Variants in PLXNA4 observed in about 807,000 individuals in gnomAD.
PLXNA4 encodes plexin A4.
In PLXNA4, 44 loss-of-function variants were observed where a neutral mutation model predicts 191.8. The ratio of observed to expected loss-of-function variants is 0.23; its 90% CI spans 0.18 to 0.29. PLXNA4 has a LOEUF of 0.29. Ranked by LOEUF, PLXNA4 falls within the 10% of genes least tolerant of loss-of-function variation. The pLI is 1.00. For missense variants in PLXNA4, 1,800 were observed against 2,488.8 expected (o/e 0.72, Z 5.89); for synonymous variants, 1,082 against 1,009.5 (o/e 1.07, Z -1.36).
intron 3 of PLXNA4, among the ~76,000 whole-genome samples, chr7:132,377,422 GAAA>G: frequency 1.2e-5 from 1 of 86,538 alleles, no homozygotes; most frequent in African/African-American, 4.1e-5. Context: ...AAATGAAAAA[GAAA>G]AAAAAAAAAA....
chr7:132,146,811 T>C, intron 27 of PLXNA4, 111 bp from the exon 28 acceptor site: 1 of 1,538,082 alleles, frequency 6.5e-7, no homozygotes, highest in Non-Finnish European at 8.8e-7. Context: ...TGATCATTCC[T>C]GCCATTGGTC....
At chr7:132,201,356 T>A (rs1797427234) in intron 12 of PLXNA4, among the ~76,000 whole-genome samples, 1 of 152,196 alleles carries the variant, frequency 6.6e-6, no homozygotes, top group African/African-American at 2.4e-5. Context: ...GGTAGTTGTT[T>A]GGACTGACAA....
intron 1 of PLXNA4, among the ~76,000 whole-genome samples, chr7:132,554,426 C>T (rs1239417036): frequency 1.3e-5 from 2 of 152,308 alleles, no homozygotes; most frequent in South Asian, 2.1e-4. Flanking sequence ...TGACACACTC[C>T]GTTTCCAGAG....
intron 9 of PLXNA4, among the ~76,000 whole-genome samples, chr7:132,217,943 G>A (rs1016374831): frequency 3.6e-5 from 5 of 140,420 alleles, no homozygotes; most frequent in Admixed American, 1.5e-4. Context: ...CAGGGTGAAA[G>A]GCATGGCAGG....
intron 2 of PLXNA4, among the ~76,000 whole-genome samples, chr7:132,591,857 C>T (rs142642720): frequency 1.3e-5 from 2 of 152,268 alleles, no homozygotes; most frequent in East Asian, 3.9e-4. Flanking sequence ...CACCTCAAAT[C>T]CCTCTCCCAG....
At chr7:132,435,756 G>A (rs277486) in intron 3 of PLXNA4, among the ~76,000 whole-genome samples, 2,262 of 152,232 alleles carry the variant, frequency 0.015, 44 homozygotes, top group African/African-American at 0.052. Context: ...TCCACAGCAC[G>A]TCCACTGAGC....
chr7:132,621,846 T>C (rs1049162401), intron 2 of PLXNA4, among the ~76,000 whole-genome samples: 3 of 152,246 alleles, frequency 2.0e-5, no homozygotes, highest in African/African-American at 7.2e-5. Flanking sequence ...TTTCCCACTG[T>C]TGTTTTATTT....
At chr7:132,307,852 G>A (rs1419563517) in intron 3 of PLXNA4, among the ~76,000 whole-genome samples, 1 of 152,192 alleles carries the variant, frequency 6.6e-6, no homozygotes, top group East Asian at 1.9e-4. Flanking sequence ...GGAACTGCAA[G>A]AGTGTAAACA....
At chr7:132,256,819 A>T (rs1163287597) in intron 4 of PLXNA4, among the ~76,000 whole-genome samples, 2 of 152,082 alleles carry the variant, frequency 1.3e-5, no homozygotes, top group Non-Finnish European at 2.9e-5. Flanking sequence ...TAGTGATTTG[A>T]GGATTATGCA....
At chr7:132,467,119 C>T (rs1796735757) in intron 3 of PLXNA4, among the ~76,000 whole-genome samples, 1 of 152,108 alleles carries the variant, frequency 6.6e-6, no homozygotes. Context: ...ACTGAGAGTC[C>T]ACAGCCCCTG....
chr7:132,180,730 G>T lies in PLXNA4; in HGVS notation c.3495C>A (p.Gly1165=), dbSNP rs1034866561. 5.6e-6 allele frequency: 9 copies of T among 1,613,406 alleles called. No individual in the cohort carries two copies. The highest frequency in any genetic ancestry group is 2.2e-5 in the East Asian group (1 of 44,874). The change falls in exon 19 of 32, where the codon GGC becomes GGA. Residue 1165 remains glycine (G), a splice_region_variant and synonymous_variant. Coordinates refer to ENST00000321063, the MANE Select transcript of PLXNA4 (RefSeq NM_020911.2). ...CAGCCACAGGCGGGATCAGGTTCTTGCCCTGTACAAATGGGAAAGCACCAG... is the reference window on the plus strand; with the variant it reads ...CAGCCACAGGCGGGATCAGGTTCTTTCCCTGTACAAATGGGAAAGCACCAG... ...LKPGTPIILK[G]KNLIPPVAGG...
At chr7:132,477,963 G>T (rs1478891617) in intron 3 of PLXNA4, among the ~76,000 whole-genome samples, 3 of 152,172 alleles carry the variant, frequency 2.0e-5, no homozygotes, top group African/African-American at 7.2e-5. Flanking sequence ...AGATTCATTA[G>T]TTTCCTACAA....
chr7:132,283,642 G>A (rs925193978), intron 4 of PLXNA4, among the ~76,000 whole-genome samples: 5 of 152,198 alleles, frequency 3.3e-5, no homozygotes, highest in Non-Finnish European at 5.9e-5. Flanking sequence ...CAGCCAGAGA[G>A]ACTAGCCAAG....
intron 3 of PLXNA4, among the ~76,000 whole-genome samples, chr7:132,459,285 G>A (rs1270517783): frequency 6.6e-6 from 1 of 152,134 alleles, no homozygotes; most frequent in Non-Finnish European, 1.5e-5. Context: ...AGAACTGGAG[G>A]AACAGTAATA....
chr7:132,247,511 T>C (rs1030022180), intron 4 of PLXNA4, among the ~76,000 whole-genome samples: 3 of 152,224 alleles, frequency 2.0e-5, no homozygotes, highest in African/African-American at 2.4e-5. Context: ...CCTCATGCTG[T>C]CCTTCCTTGT....
At chr7:132,594,965 AATTG>A (rs1563189715) in intron 2 of PLXNA4, among the ~76,000 whole-genome samples, 112 of 134,326 alleles carry the variant, frequency 8.3e-4, no homozygotes, top group Middle Eastern at 3.7e-3. Flanking sequence ...ATAGATAGAT[AATTG>A]ATAGATAATA....
chr7:132,622,924 C>A (rs934122994), intron 2 of PLXNA4, among the ~76,000 whole-genome samples: 8 of 152,184 alleles, frequency 5.3e-5, no homozygotes, highest in Non-Finnish European at 1.2e-4. Flanking sequence ...CAGCATTTCT[C>A]ATGAAGCACG....
At chr7:132,374,201 G>C (rs993825008) in intron 3 of PLXNA4, among the ~76,000 whole-genome samples, 2 of 152,198 alleles carry the variant, frequency 1.3e-5, no homozygotes, top group African/African-American at 2.4e-5. Flanking sequence ...CACAATATGT[G>C]ATTGATTAGG....
In PLXNA4 at chr7:132,484,843, G is replaced by C. The variant is rs1357249950; in HGVS notation, c.1371+4449C>G. On this transcript the variant is annotated intron_variant, in intron 3 of 31. Transcript: ENST00000321063. ...AGGAAGAATTCCCAGGTACATTTAG[G>C]AAGCAACAAAGCAGAGGCTGGACTC... is the stretch of plus-strand genomic sequence containing the variant. 2 of 1,614,098 alleles carry C rather than the reference G, an allele frequency of 1.2e-6. No homozygotes were observed. The highest frequency in any genetic ancestry group is 1.7e-6 in the Non-Finnish European group (2 of 1,180,002).
Sources: gnomAD v4.1 joint callset for allele counts (sites outside exome capture counted in the v4.1 genomes callset) on GRCh38, gnomAD v4.1.1 for gene constraint, MANE v1.5 for transcripts, NCBI Gene and HGNC (gene_info 2026-07-23, HGNC 2026-07-21) for gene names.